Variants in LSAMP observed in about 807,000 individuals in gnomAD.
The protein encoded by LSAMP is limbic system associated membrane protein, also known as limbic system-associated membrane protein.
In LSAMP, 7 loss-of-function variants were observed where a neutral mutation model predicts 38.6. That is an observed-to-expected ratio of 0.18 (90% CI 0.10 to 0.34). LSAMP has a LOEUF of 0.34. Ranked by LOEUF, LSAMP falls within the 10% of genes least tolerant of loss-of-function variation. The probability of loss-of-function intolerance (pLI) is 1.00; values close to 1 mark genes in which losing one functional copy is unlikely to be tolerated. For missense variants in LSAMP, 313 were observed against 420.0 expected, an observed-to-expected ratio of 0.75 and a Z score of 2.23; for synonymous variants, 154 against 166.8, an observed-to-expected ratio of 0.92 and a Z score of 0.59.
intron 1 of LSAMP, among the ~76,000 whole-genome samples, chr3:116,397,101 C>T (rs1301045824): frequency 1.3e-5 from 2 of 152,154 alleles, no homozygotes; most frequent in Admixed American, 6.6e-5. Context: ...CTCCTCTTCC[C>T]AAATGGCACT....
intron 2 of LSAMP, among the ~76,000 whole-genome samples, chr3:116,060,927 TA>T (rs1468882325): frequency 2.6e-5 from 4 of 151,370 alleles, no homozygotes; most frequent in Non-Finnish European, 5.9e-5. Flanking sequence ...TAAAATAAAA[TA>T]AAATAAATAT....
At chr3:116,328,580 A>G in intron 1 of LSAMP, among the ~76,000 whole-genome samples, 1 of 152,126 alleles carries the variant, frequency 6.6e-6, no homozygotes, top group African/African-American at 2.4e-5. Context: ...TTAACATTTA[A>G]TATGCGGAAC....
intron 6 of LSAMP, among the ~76,000 whole-genome samples, chr3:115,815,062 C>T (rs1489052705): frequency 6.6e-6 from 1 of 152,132 alleles, no homozygotes; most frequent in Non-Finnish European, 1.5e-5. Context: ...AGGGGAAATA[C>T]GGTAGTCCCC....
chr3:115,942,184 G>A lies in LSAMP; in HGVS notation c.514+77331C>T, dbSNP rs1014529428. Among the ~76,000 whole-genome samples the A allele has an allele frequency of 3.1e-4, 47 of 152,032 alleles. 1 individual carries two copies. On this transcript the variant is annotated intron_variant, in intron 3 of 6. Coordinates refer to ENST00000490035, the MANE Select transcript of LSAMP (RefSeq NM_002338.5). ...TAAAAAGACAAAAATGGAAGGAGAA[G>A]TTAAGGAAGCAAAACAAAGAAATAA... is the stretch of plus-strand genomic sequence containing the variant.
chr3:116,390,134 C>T (rs1193414962), intron 1 of LSAMP, among the ~76,000 whole-genome samples: 4 of 100,394 alleles, frequency 4.0e-5, no homozygotes, highest in African/African-American at 1.2e-4. Context: ...TGTATGTATA[C>T]ACACACACAC....
chr3:116,278,579 A>G (rs1349941025), intron 1 of LSAMP, among the ~76,000 whole-genome samples: 1 of 152,170 alleles, frequency 6.6e-6, no homozygotes, highest in African/African-American at 2.4e-5. Flanking sequence ...TGCAGAGTTT[A>G]CTTTAGCTTT....
chr3:116,153,727 CTT>C (rs1278074424), intron 1 of LSAMP, among the ~76,000 whole-genome samples: 1 of 152,010 alleles, frequency 6.6e-6, no homozygotes, highest in Non-Finnish European at 1.5e-5. Context: ...AGTTTTAACT[CTT>C]TGGCTTTCAC....
chr3:115,934,734 G>A (rs887270880), intron 3 of LSAMP, among the ~76,000 whole-genome samples: 17 of 152,250 alleles, frequency 1.1e-4, no homozygotes, highest in African/African-American at 3.6e-4. Flanking sequence ...ATGATTCTGG[G>A]TTTGTGACTG....
At chr3:116,120,982 A>G (rs866149961) in intron 1 of LSAMP, among the ~76,000 whole-genome samples, 1 of 152,164 alleles carries the variant, frequency 6.6e-6, no homozygotes, top group Non-Finnish European at 1.5e-5. Flanking sequence ...CAGGTGGATG[A>G]CAAACTCTGT....
At chr3:116,292,953 G>A (rs1376548351) in intron 1 of LSAMP, among the ~76,000 whole-genome samples, 1 of 152,140 alleles carries the variant, frequency 6.6e-6, no homozygotes, top group Non-Finnish European at 1.5e-5. Context: ...CTTGAAACCT[G>A]CTATGTCAGC....
chr3:116,442,110 T>G (rs144532535), intron 1 of LSAMP, among the ~76,000 whole-genome samples: 68 of 152,260 alleles, frequency 4.5e-4, no homozygotes, highest in African/African-American at 1.6e-3. Context: ...GTGTGCACTC[T>G]CCTATCTGAT....
chr3:115,933,225 G>A (rs1359798871), intron 3 of LSAMP, among the ~76,000 whole-genome samples: 1 of 152,184 alleles, frequency 6.6e-6, no homozygotes, highest in Non-Finnish European at 1.5e-5. Flanking sequence ...TAGGAGACCA[G>A]CAAAGCATTA....
At chr3:115,886,377 A>G (rs1176293002) in intron 3 of LSAMP, among the ~76,000 whole-genome samples, 4 of 151,974 alleles carry the variant, frequency 2.6e-5, no homozygotes, top group Non-Finnish European at 5.9e-5. Flanking sequence ...TAGTTTACCA[A>G]TTGGCCATGA....
chr3:116,318,527 T>C (rs1271628735), intron 1 of LSAMP, among the ~76,000 whole-genome samples: 2 of 152,214 alleles, frequency 1.3e-5, no homozygotes, highest in Admixed American at 6.5e-5. Context: ...TTACAAATGA[T>C]CTTTAGTCAT....
At position 116,008,593 on chromosome 3, in the gene LSAMP, T is replaced by C. The variant is rs915810190; in HGVS notation, c.514+10922A>G. ...TTTCCTCCAACATTTAGTAGCAGCATCTGATGTAGCAGGTACAGCATTAGA... is the reference window on the plus strand; with the variant it reads ...TTTCCTCCAACATTTAGTAGCAGCACCTGATGTAGCAGGTACAGCATTAGA... On this transcript the variant is annotated intron_variant, in intron 3 of 6. Coordinates refer to ENST00000490035, the MANE Select transcript of LSAMP (RefSeq NM_002338.5). 6.8e-4 allele frequency among the ~76,000 whole-genome samples: 104 copies of C among 152,184 alleles called. 6 individuals carry two copies. Among genetic ancestry groups the C allele is most frequent in the Non-Finnish European group, 2.4e-4 (16 of 68,040 alleles).
At chr3:116,347,485 A>G (rs1260973523) in intron 1 of LSAMP, among the ~76,000 whole-genome samples, 1 of 152,172 alleles carries the variant, frequency 6.6e-6, no homozygotes, top group East Asian at 1.9e-4. Flanking sequence ...GATAACTTAT[A>G]TCTGATATAA....
At chr3:116,019,419 C>G in intron 3 of LSAMP, 96 bp downstream of exon 3, 1 of 1,416,680 alleles carries the variant, frequency 7.1e-7, no homozygotes, top group Non-Finnish European at 9.7e-7. Flanking sequence ...AATTCTGATT[C>G]TGAATTGAAT....
intron 3 of LSAMP, among the ~76,000 whole-genome samples, chr3:116,004,518 A>ATG (rs1408494133): frequency 2.5e-5 from 3 of 119,058 alleles, no homozygotes; most frequent in Non-Finnish European, 3.6e-5. Flanking sequence ...GTGTATATAT[A>ATG]TGTGTATATA....
intron 3 of LSAMP, among the ~76,000 whole-genome samples, chr3:115,994,004 A>G (rs1251858779): frequency 3.9e-5 from 6 of 152,068 alleles, no homozygotes; most frequent in Admixed American, 3.9e-4. Flanking sequence ...GAGCTTTTAC[A>G]TGGTGGAAGT....
Sources: gnomAD v4.1 joint callset for allele counts (sites outside exome capture counted in the v4.1 genomes callset) on GRCh38, gnomAD v4.1.1 for gene constraint, MANE v1.5 for transcripts, NCBI Gene and HGNC (gene_info 2026-07-23, HGNC 2026-07-21) for gene names.